MATK: variants seen among roughly 807,000 people sequenced by gnomAD.
MATK encodes the protein megakaryocyte-associated tyrosine kinase, also known as megakaryocyte-associated tyrosine-protein kinase.
MATK carries 41 observed loss-of-function variants against 59.8 expected under a neutral mutation model. The observed-to-expected ratio is 0.69, with a 90% CI of 0.53 to 0.89. The LOEUF is 0.89. MATK is among the 40% of genes least tolerant of loss of function. MATK has a pLI of 0.00. For synonymous variants in MATK, 308 were observed against 306.1 expected (o/e 1.01, Z -0.06); for missense variants, 593 against 719.6 (o/e 0.82, Z 2.01).
At chr19:3,785,382 G>T in intron 1 of MATK, 96 bp from the exon 2 acceptor site, 1 of 838,366 alleles carries the variant, frequency 1.2e-6, no homozygotes, top group Non-Finnish European at 1.8e-6. Flanking sequence ...GGCAGGGGCG[G>T]GTCCTGTAGC....
At chr19:3,790,201 C>T (rs1376586797), upstream of MATK, among the ~76,000 whole-genome samples, 1 of 152,184 alleles carries the variant, frequency 6.6e-6, no homozygotes, top group Admixed American at 6.5e-5. Context: ...CAGAGGTGGC[C>T]GCACCAGTTT....
upstream of MATK, among the ~76,000 whole-genome samples, chr19:3,788,619 CAAAAA>C (rs1171553701): frequency 7.1e-5 from 5 of 70,286 alleles, no homozygotes; most frequent in East Asian, 7.6e-4. Flanking sequence ...ACTCTGTCTC[CAAAAA>C]AAAAAAAAAA....
upstream of MATK, among the ~76,000 whole-genome samples, chr19:3,791,094 G>A (rs1339683403): frequency 1.3e-5 from 2 of 152,150 alleles, no homozygotes; most frequent in East Asian, 3.9e-4. Flanking sequence ...TCCCGAGGGG[G>A]TTCTGCTGCT....
In MATK at chr19:3,783,935, C is replaced by G. The variant is rs972758266; in HGVS notation, c.461G>C (p.Gly154Ala). Residue 154 changes from glycine to alanine, a missense_variant, in exon 6 of 14, where the codon GGC becomes GCC. Gly to Ala is a moderately conservative substitution (Grantham distance 60). Coordinates refer to ENST00000310132, the MANE Select transcript of MATK (RefSeq NM_139355.3). Reference protein sequence around the residue: ...FLVRESARHPGDYVLCVSFGR... With the variant: ...FLVRESARHPADYVLCVSFGR... ...AAAGCTCACGCACAGGACGTAGTCG[C>G]CGGGGTGGCGCGCGGACTCCCGCAC... The G allele has an allele frequency of 6.2e-7, 1 of 1,612,718 alleles. No individual in the cohort carries two copies. Among genetic ancestry groups the G allele is most frequent in the South Asian group, 1.1e-5 (1 of 91,058 alleles).
chr19:3,794,539 C>T (rs1288069509), intron 1 of MATK, among the ~76,000 whole-genome samples: 1 of 152,096 alleles, frequency 6.6e-6, no homozygotes, highest in Non-Finnish European at 1.5e-5. Flanking sequence ...CCTGTAGTCC[C>T]AGCCACTCAG....
Position 3,778,185 on chromosome 19 carries a change from AG to A in MATK, c.1521del (p.Ter508AspfsTer23). 1 of 1,555,134 alleles carries A rather than the reference AG, an allele frequency of 6.4e-7. No homozygotes were observed. On this transcript the variant is annotated frameshift_variant, in exon 14 of 14. Coordinates refer to ENST00000310132, the MANE Select transcript of MATK (RefSeq NM_139355.3). LOFTEE classifies it high-confidence loss of function. The stretch of plus-strand genomic sequence containing the variant: ...GCCAAGGGCCCCACCGGGTGGGGTC[AG>A]GGCTCCTGGCTTCGGGGCGAGGTGG... ...DGSTSPRSQE[P>X] is the part of the protein sequence containing the mutation.
At position 3,784,155 on chromosome 19, in the gene MATK, G is replaced by C. The variant is rs1568407220; in HGVS notation, c.331C>G (p.Leu111Val). ...AGGCTGAGCTTGGGGTCTGCGGAGA[G>C]GGCCTCCCGCTCCCGCAGCGCCCCA... ...AAGALREREA[L>V]SADPKLSLMP... Residue 111 changes from leucine (L) to valine (V), a missense_variant, in exon 5 of 14, where the codon CTC becomes GTC. Physicochemically the swap from Leu to Val is conservative, Grantham distance 32. Coordinates refer to ENST00000310132, the MANE Select transcript of MATK (RefSeq NM_139355.3). The C allele has an allele frequency of 3.1e-6, 5 of 1,613,044 alleles. No individual in the cohort carries two copies. The highest frequency in any genetic ancestry group is 4.2e-6 in the Non-Finnish European group (5 of 1,179,578).
rs2037483087 is a variant in MATK at position 3,786,296 on chromosome 19, G to A, written c.-279C>T. ...GCGAGTTGCTCCGTTTCCTCATTTT[G>A]GGGGCGAAGAAGGGTCGGGGAGTGG... On this transcript the variant is annotated 5_prime_UTR_variant, in exon 1 of 14. Transcript: ENST00000310132. The surrounding 1 kb of genome is among the most constrained non-coding windows in gnomAD (Gnocchi z 4.1). 1.0e-6 allele frequency: 1 copy of A among 984,896 alleles called. No individual in the cohort carries two copies. Among genetic ancestry groups the A allele is most frequent in the South Asian group, 4.7e-5 (1 of 21,294 alleles). 61.0% of individuals were successfully genotyped at this position (984,896 alleles called of 1,614,324 possible).
chr19:3,796,016 C>G (rs1468648284), intron 1 of MATK, among the ~76,000 whole-genome samples: 5 of 151,990 alleles, frequency 3.3e-5, no homozygotes, highest in Admixed American at 6.6e-5. Flanking sequence ...CTTGCCTCGG[C>G]CTCCCAAAGT....
upstream of MATK, chr19:3,789,218 G>C (rs1412685778): frequency 1.3e-6 from 1 of 750,156 alleles, no homozygotes; most frequent in Non-Finnish European, 2.5e-6. Flanking sequence ...TGAACTAGAA[G>C]TGTTAAGTCA....
rs2037372875 is a variant in MATK, at chr19:3,779,720, G to A, written c.820C>T (p.Leu274=). Residue 274 remains leucine, a synonymous_variant, in exon 9 of 14, where the codon CTG becomes TTG. Coordinates refer to ENST00000310132, the MANE Select transcript of MATK (RefSeq NM_139355.3). ...CACGTCATGACGGCCGTCTCGTCCA[G>A]GAAGGCCTGGGCTGTCACATCACAC... ...IKCDVTAQAF[L]DETAVMTKMQ... 1.2e-6 allele frequency: 2 copies of A among 1,613,154 alleles called. No homozygotes were observed. The highest frequency in any genetic ancestry group is 1.7e-6 in the Non-Finnish European group (2 of 1,179,992).
At chr19:3,789,308 G>T, upstream of MATK, 1 of 779,256 alleles carries the variant, frequency 1.3e-6, no homozygotes, top group Non-Finnish European at 2.4e-6. Flanking sequence ...CCTCGCCGAG[G>T]TCTGCCTTCT....
At chr19:3,790,457 C>G (rs115558831), upstream of MATK, among the ~76,000 whole-genome samples, 1,356 of 152,312 alleles carry the variant, frequency 8.9e-3, 20 homozygotes, top group African/African-American at 0.032. Context: ...CCTTTCACTG[C>G]AAAGCCAAGG....
intron 5 of MATK, 45 bp downstream of exon 5, chr19:3,784,079 G>T (rs771854888): frequency 1.9e-6 from 3 of 1,588,938 alleles, no homozygotes; most frequent in East Asian, 4.5e-5. Context: ...TGGAGGGGGG[G>T]TCACTTGCTG....
chr19:3,795,416 G>A (rs1281330472), intron 1 of MATK, among the ~76,000 whole-genome samples: 3 of 151,874 alleles, frequency 2.0e-5, no homozygotes, highest in Non-Finnish European at 4.4e-5. Flanking sequence ...GGGATTACAG[G>A]CATGTGCCAC....
intron 11 of MATK, 63 bp from the exon 12 acceptor site, chr19:3,779,250 A>T: frequency 1.3e-6 from 2 of 1,545,622 alleles, no homozygotes. Flanking sequence ...GGGCTCAGAA[A>T]GCTCGGGGTG....
chr19:3,793,206 A>G (rs1244431986), intron 1 of MATK: 3 of 152,216 alleles, frequency 2.0e-5, no homozygotes, highest in Non-Finnish European at 4.4e-5. Context: ...GCAGCCGGAC[A>G]GGTTGTTTTC....
At chr19:3,782,820 G>A in intron 7 of MATK, 1 of 436,134 alleles carries the variant, frequency 2.3e-6, no homozygotes, top group Non-Finnish European at 4.2e-6. Context: ...AGATTCACCA[G>A]GTCTTGGGAA....
At chr19:3,794,292 C>T (rs914274468) in intron 1 of MATK, among the ~76,000 whole-genome samples, 2 of 152,098 alleles carry the variant, frequency 1.3e-5, no homozygotes, top group Admixed American at 1.3e-4. Context: ...AGCCCTGGGC[C>T]CGGCAACCAT....
Sources: gnomAD v4.1 joint callset for allele counts (sites outside exome capture counted in the v4.1 genomes callset) on GRCh38, gnomAD v4.1.1 for gene constraint, Gnocchi (gnomAD v3.1) non-coding constraint, MANE v1.5 for transcripts, NCBI Gene and HGNC (gene_info 2026-07-23, HGNC 2026-07-21) for gene names.